MYH15: variants seen among roughly 807,000 people sequenced by gnomAD.
The protein encoded by MYH15 is myosin-15.
MYH15 carries 227 observed loss-of-function variants against 240.5 expected under a neutral mutation model. The ratio of observed to expected loss-of-function variants is 0.94; its 90% CI spans 0.85 to 1.05. The LOEUF is 1.05. MYH15 is among the 50% of genes least tolerant of loss of function. The pLI is 0.00. For missense variants in MYH15, 2,217 were observed against 2,247.5 expected (o/e 0.99, Z 0.27); for synonymous variants, 785 against 796.7 (o/e 0.99, Z 0.25).
At chr3:108,454,199 T>A in intron 20 of MYH15, 57 bp from the exon 21 acceptor site, 1 of 1,491,432 alleles carries the variant, frequency 6.7e-7, no homozygotes, top group Non-Finnish European at 9.1e-7. Flanking sequence ...CAAATGTTTA[T>A]TAAATGATCC....
intron 24 of MYH15, among the ~76,000 whole-genome samples, chr3:108,438,378 A>T (rs1238671911): frequency 6.6e-6 from 1 of 152,196 alleles, no homozygotes; most frequent in Non-Finnish European, 1.5e-5. Flanking sequence ...TTTTCCAGGA[A>T]GCTAGATAAC....
the MYH15 span, among the ~76,000 whole-genome samples, chr3:108,535,151 T>C: frequency 6.6e-6 from 1 of 152,170 alleles, no homozygotes; most frequent in Non-Finnish European, 1.5e-5. Flanking sequence ...GGGAACTTGT[T>C]AGAAATGCAA....
Position 108,381,270 on chromosome 3 carries a change from T to A in MYH15, c.*275A>T, listed in dbSNP as rs2082341211. 1.9e-6 allele frequency: 1 copy of A among 513,598 alleles called. No individual in the cohort carries two copies. The highest frequency in any genetic ancestry group is 1.9e-5 in the African/African-American group (1 of 51,970). 31.8% of individuals were successfully genotyped at this position (513,598 alleles called of 1,614,324 possible). ...AAAGGATCAAGTATTTATTCATTTT[T>A]TAAACATCAGAATTGAAAAGGTTCT... is the stretch of plus-strand genomic sequence containing the variant. On this transcript the variant is annotated 3_prime_UTR_variant, in exon 41 of 41. Transcript: ENST00000693548.
intron 12 of MYH15, among the ~76,000 whole-genome samples, chr3:108,474,374 TATA>T (rs898398340): frequency 6.6e-6 from 1 of 151,930 alleles, no homozygotes; most frequent in Non-Finnish European, 1.5e-5. Flanking sequence ...GAGTCCTTAC[TATA>T]ATATTGTGTC....
At chr3:108,486,206 A>T (rs907328749) in intron 10 of MYH15, among the ~76,000 whole-genome samples, 2 of 152,246 alleles carry the variant, frequency 1.3e-5, no homozygotes, top group Non-Finnish European at 2.9e-5. Flanking sequence ...TTTGCCATTG[A>T]GTTGAAATAT....
At chr3:108,400,931 G>T (rs2082499535) in intron 33 of MYH15, among the ~76,000 whole-genome samples, 1 of 152,142 alleles carries the variant, frequency 6.6e-6, no homozygotes, top group Non-Finnish European at 1.5e-5. Flanking sequence ...GGTGAGGGAG[G>T]CCTCAGAAGC....
intron 11 of MYH15, among the ~76,000 whole-genome samples, chr3:108,483,047 A>G (rs1469388934): frequency 6.6e-6 from 1 of 151,980 alleles, no homozygotes; most frequent in Admixed American, 6.6e-5. Flanking sequence ...TATAAAAATT[A>G]GCCCAGTGTA....
chr3:108,416,094 A>G (rs187497209), intron 29 of MYH15, among the ~76,000 whole-genome samples: 7 of 152,334 alleles, frequency 4.6e-5, no homozygotes, highest in Non-Finnish European at 8.8e-5. Flanking sequence ...ATCTGGTACA[A>G]TGTCTGATGC....
chr3:108,541,749 CAAT>C, the MYH15 span, among the ~76,000 whole-genome samples: 1 of 151,816 alleles, frequency 6.6e-6, no homozygotes, highest in African/African-American at 2.4e-5. Context: ...GATGAAAAAA[CAAT>C]GTGTTCATTA....
intron 21 of MYH15, among the ~76,000 whole-genome samples, chr3:108,453,229 C>T (rs2082989823): frequency 6.6e-6 from 1 of 152,154 alleles, no homozygotes; most frequent in African/African-American, 2.4e-5. Flanking sequence ...ACATTGACCA[C>T]TATATGAGAG....
At chr3:108,417,881 CTT>C (rs2082647750) in intron 28 of MYH15, among the ~76,000 whole-genome samples, 1 of 151,682 alleles carries the variant, frequency 6.6e-6, no homozygotes, top group South Asian at 2.1e-4. Flanking sequence ...ATGCATATAT[CTT>C]TTTATAAATC....
chr3:108,446,829 T>C (rs149203753), intron 21 of MYH15, among the ~76,000 whole-genome samples: 13 of 151,938 alleles, frequency 8.6e-5, no homozygotes, highest in Non-Finnish European at 1.6e-4. Flanking sequence ...ATAATAAACA[T>C]GAAGAATCAG....
intron 11 of MYH15, among the ~76,000 whole-genome samples, chr3:108,482,957 G>A (rs1422621069): frequency 6.6e-6 from 1 of 152,068 alleles, no homozygotes; most frequent in Non-Finnish European, 1.5e-5. Flanking sequence ...CACTTTGGGA[G>A]GCCGAGGTGG....
chr3:108,503,698 T>C (rs143442499), intron 2 of MYH15, among the ~76,000 whole-genome samples: 3 of 152,344 alleles, frequency 2.0e-5, no homozygotes, highest in African/African-American at 7.2e-5. Context: ...TATATGTTGC[T>C]GGTGGAAACG....
chr3:108,415,232 G>A (rs2082624104), intron 29 of MYH15, among the ~76,000 whole-genome samples: 1 of 152,010 alleles, frequency 6.6e-6, no homozygotes, highest in Non-Finnish European at 1.5e-5. Flanking sequence ...AGATCCTGAC[G>A]GGTCCTCAAG....
chr3:108,394,313 G>C (rs893490869), intron 35 of MYH15, among the ~76,000 whole-genome samples, 157 bp from the exon 36 acceptor site: 2 of 152,140 alleles, frequency 1.3e-5, no homozygotes, highest in African/African-American at 4.8e-5. Flanking sequence ...ATCCCGAAAG[G>C]CTTTTGCCAT....
At chr3:108,436,204 C>T (rs184027361) in intron 25 of MYH15, among the ~76,000 whole-genome samples, 12 of 151,208 alleles carry the variant, frequency 7.9e-5, no homozygotes, top group Non-Finnish European at 1.5e-4. Context: ...TTCTAAAATG[C>T]TAAAACTCTT....
chr3:108,406,141 G>T (rs2082544970), intron 32 of MYH15, among the ~76,000 whole-genome samples: 1 of 152,078 alleles, frequency 6.6e-6, no homozygotes, highest in Admixed American at 6.6e-5. Context: ...AAAAGCATAG[G>T]TTTGGCTAAA....
chr3:108,410,973 C>G, intron 30 of MYH15, 41 bp from the exon 31 acceptor site: 1 of 1,505,010 alleles, frequency 6.6e-7, no homozygotes, highest in South Asian at 1.2e-5. Context: ...GAGGCAATAA[C>G]TCTCAGAGAG....
Sources: gnomAD v4.1 joint callset for allele counts (sites outside exome capture counted in the v4.1 genomes callset) on GRCh38, gnomAD v4.1.1 for gene constraint, MANE v1.5 for transcripts, NCBI Gene and HGNC (gene_info 2026-07-23, HGNC 2026-07-21) for gene names.